GLIS1: variants seen among roughly 807,000 people sequenced by gnomAD.
GLIS1 encodes GLIS family zinc finger 1, also known as zinc finger protein GLIS1.
Under a neutral mutation model 63.8 loss-of-function variants are expected in GLIS1, and 24 were observed. The observed-to-expected ratio is 0.38, with a 90% CI of 0.27 to 0.53. GLIS1 has a LOEUF of 0.53. Ranked by LOEUF, GLIS1 falls within the 20% of genes least tolerant of loss-of-function variation. The probability of loss-of-function intolerance (pLI) is 0.85; values close to 1 mark genes in which losing one functional copy is unlikely to be tolerated. For synonymous variants in GLIS1, 450 were observed against 482.5 expected, an observed-to-expected ratio of 0.93 and a Z score of 0.88; for missense variants, 1,036 against 1,074.1, an observed-to-expected ratio of 0.96 and a Z score of 0.50.
intron 2 of GLIS1, among the ~76,000 whole-genome samples, chr1:53,709,411 T>TACACAC (rs57887584): frequency 0.027 from 409 of 14,884 alleles, 2 homozygotes; most frequent in African/African-American, 0.033. Flanking sequence ...CATATATATA[T>TACACAC]ACACACACAC....
intron 4 of GLIS1, among the ~76,000 whole-genome samples, chr1:53,592,407 G>A (rs1645200856): frequency 6.6e-6 from 1 of 152,184 alleles, no homozygotes; most frequent in Non-Finnish European, 1.5e-5. Context: ...TCGGGTCACA[G>A]AGCCTCCACC....
intron 4 of GLIS1, among the ~76,000 whole-genome samples, chr1:53,543,386 G>GTA (rs2100377239): frequency 6.6e-6 from 1 of 152,300 alleles, no homozygotes; most frequent in African/African-American, 2.4e-5. Flanking sequence ...AGGTGCCACC[G>GTA]TAATCGCCTT....
chr1:53,507,477 G>A (rs1034250956), intron 10 of GLIS1, among the ~76,000 whole-genome samples: 1 of 152,182 alleles, frequency 6.6e-6, no homozygotes, highest in Admixed American at 6.5e-5. Flanking sequence ...CCTTGACTTG[G>A]GAGGGGCCGG....
chr1:53,541,361 G>A (rs1445549947), intron 4 of GLIS1, among the ~76,000 whole-genome samples: 1 of 152,198 alleles, frequency 6.6e-6, no homozygotes, highest in Non-Finnish European at 1.5e-5. Flanking sequence ...AATAGGCCAG[G>A]CTAACCTGCC....
intron 2 of GLIS1, among the ~76,000 whole-genome samples, chr1:53,702,434 G>A (rs899022131): frequency 7.9e-5 from 12 of 152,350 alleles, no homozygotes; most frequent in African/African-American, 1.2e-4. Flanking sequence ...AGCCTCCCCC[G>A]GCATCTGCCC....
intron 2 of GLIS1, among the ~76,000 whole-genome samples, chr1:53,714,635 A>G (rs907928382): frequency 3.3e-5 from 5 of 152,240 alleles, no homozygotes; most frequent in Non-Finnish European, 5.9e-5. Flanking sequence ...GAGATTAACA[A>G]GAAATGCATT....
chr1:53,693,652 G>C (rs1340275843), intron 2 of GLIS1, among the ~76,000 whole-genome samples: 3 of 152,140 alleles, frequency 2.0e-5, no homozygotes, highest in African/African-American at 7.2e-5. Context: ...AAGCAGTCCC[G>C]GCCTCGGGGT....
intron 4 of GLIS1, among the ~76,000 whole-genome samples, chr1:53,577,099 C>A (rs929282128): frequency 1.3e-5 from 2 of 150,202 alleles, no homozygotes; most frequent in Non-Finnish European, 3.0e-5. Flanking sequence ...TGCTCTCTAG[C>A]CCCCCATCTC....
chr1:53,522,184 T>C (rs932887551), intron 6 of GLIS1, among the ~76,000 whole-genome samples: 3 of 152,212 alleles, frequency 2.0e-5, no homozygotes, highest in African/African-American at 4.8e-5. Flanking sequence ...GAGAGGAGAA[T>C]TAAGGAAGAA....
chr1:53,719,874 T>C (rs769950924), intron 2 of GLIS1, among the ~76,000 whole-genome samples: 58 of 152,182 alleles, frequency 3.8e-4, no homozygotes, highest in Admixed American at 2.7e-3. Context: ...AGGAAATCAG[T>C]ATATCAAAGG....
chr1:53,587,728 C>T lies in GLIS1; in HGVS notation c.1320+6380G>A, dbSNP rs145638332. Among the ~76,000 whole-genome samples, 4 of 152,334 alleles carry T rather than the reference C, an allele frequency of 2.6e-5. No homozygotes were observed. The East Asian group carries it at 7.7e-4, about 29-fold the overall frequency. On this transcript the variant is annotated intron_variant, in intron 4 of 10. Transcript: ENST00000628545. ...TTACATGCAATATCCATTTACTTCC[C>T]CACTCGACTGAGGGCTCCTTGAGAC...
At chr1:53,704,378 G>A (rs189308165) in intron 2 of GLIS1, among the ~76,000 whole-genome samples, 8 of 152,366 alleles carry the variant, frequency 5.3e-5, no homozygotes, top group African/African-American at 1.9e-4. Context: ...CAAAGAGAGG[G>A]GAAGTAACTT....
At chr1:53,708,190 G>A (rs1356112490) in intron 2 of GLIS1, among the ~76,000 whole-genome samples, 1 of 152,146 alleles carries the variant, frequency 6.6e-6, no homozygotes, top group Non-Finnish European at 1.5e-5. Flanking sequence ...GGCTGAGGCA[G>A]GAGAATGGCG....
At chr1:53,576,232 C>T (rs1020081593) in intron 4 of GLIS1, among the ~76,000 whole-genome samples, 1 of 152,032 alleles carries the variant, frequency 6.6e-6, no homozygotes, top group Admixed American at 6.5e-5. Flanking sequence ...GGTCTCCTTC[C>T]CCAAATCCTC....
At chr1:53,710,156 C>G (rs943003421) in intron 2 of GLIS1, among the ~76,000 whole-genome samples, 1 of 152,178 alleles carries the variant, frequency 6.6e-6, no homozygotes, top group Admixed American at 6.5e-5. Context: ...GGGTGCTGCC[C>G]TAGGCTCTCC....
At chr1:53,681,556 C>G (rs1030693250) in intron 2 of GLIS1, among the ~76,000 whole-genome samples, 1 of 152,224 alleles carries the variant, frequency 6.6e-6, no homozygotes, top group African/African-American at 2.4e-5. Context: ...CACAGGCAGC[C>G]AAGAAAGAGA....
chr1:53,718,321 T>G (rs2100543289), intron 2 of GLIS1, among the ~76,000 whole-genome samples: 1 of 152,260 alleles, frequency 6.6e-6, no homozygotes, highest in East Asian at 1.9e-4. Flanking sequence ...TAAACCAGTC[T>G]GCAGTGCTGG....
chr1:53,593,777 A>G (rs969174934), intron 4 of GLIS1, among the ~76,000 whole-genome samples: 1 of 152,230 alleles, frequency 6.6e-6, no homozygotes, highest in African/African-American at 2.4e-5. Flanking sequence ...GCACAAACAC[A>G]TGAAAGAAGA....
intron 2 of GLIS1, among the ~76,000 whole-genome samples, chr1:53,729,517 A>C (rs961643362): frequency 7.4e-6 from 1 of 134,370 alleles, no homozygotes; most frequent in Admixed American, 8.0e-5. Flanking sequence ...AAGCATTGTT[A>C]AAACAGGGAA....
Sources: gnomAD v4.1 joint callset for allele counts (sites outside exome capture counted in the v4.1 genomes callset) on GRCh38, gnomAD v4.1.1 for gene constraint, MANE v1.5 for transcripts, NCBI Gene and HGNC (gene_info 2026-07-23, HGNC 2026-07-21) for gene names.